Variants in WASHC4 observed in about 807,000 individuals in gnomAD.
WASHC4 encodes WASH complex subunit 4.
In WASHC4, 86 loss-of-function variants were observed where a neutral mutation model predicts 166.6. The ratio of observed to expected loss-of-function variants is 0.52; its 90% confidence interval spans 0.43 to 0.62. WASHC4 has a LOEUF of 0.62. Among genes scored for constraint, WASHC4 ranks in the 20% least tolerant of loss-of-function variants. The pLI is 0.00. For missense variants in WASHC4, 1,262 were observed against 1,382.4 expected (o/e 0.91, Z 1.38); for synonymous variants, 446 against 451.6 (o/e 0.99, Z 0.16).
intron 14 of WASHC4, among the ~76,000 whole-genome samples, chr12:105,136,597 C>T (rs1001293465): frequency 1.3e-5 from 2 of 152,114 alleles, no homozygotes; most frequent in African/African-American, 4.8e-5. Context: ...TTCTGAACTT[C>T]AAGTACCCCT....
intron 24 of WASHC4, chr12:105,148,932 A>T (rs747044873): frequency 9.9e-5 from 98 of 985,118 alleles, no homozygotes; most frequent in Middle Eastern, 5.2e-4. Context: ...CTTTCTTAGG[A>T]TTTTCTGAGT....
At position 105,127,577 on chromosome 12, in the gene WASHC4, G is replaced by T. The variant is rs185967895; in HGVS notation, c.1199+288G>T. On this transcript the variant is annotated intron_variant, in intron 13 of 32. Transcript: ENST00000332180. ...TATTTTTTGTCCAAATGAAGTCTCA[G>T]ATTTTGTTGCAGTAGATATCATTTG... 7.9e-5 allele frequency among the ~76,000 whole-genome samples: 12 copies of T among 152,268 alleles called. No individual in the cohort carries two copies. In the East Asian group the frequency reaches 1.7e-3, roughly 22 times the overall value.
rs1319429489 is a variant in WASHC4 at position 105,168,829 on chromosome 12, A to G, written c.*1898A>G. On this transcript the variant is annotated 3_prime_UTR_variant, in exon 33 of 33. Transcript: ENST00000332180. Reference sequence around the variant, plus strand: ...AGAGCAACAGGGCTTCAGTATATTCACATCTAATAGGTTAATATGTACATT... The same window carrying G: ...AGAGCAACAGGGCTTCAGTATATTCGCATCTAATAGGTTAATATGTACATT... 1 of 152,282 alleles carries G rather than the reference A, an allele frequency of 6.6e-6. No homozygotes were observed. The highest frequency in any genetic ancestry group is 1.5e-5 in the Non-Finnish European group (1 of 67,986). The allele number at this position is 152,282 out of a possible 1,614,324, so 9.4% of individuals were successfully genotyped here.
chr12:105,118,568 A>G, intron 7 of WASHC4, 40 bp downstream of exon 7: 1 of 1,108,540 alleles, frequency 9.0e-7, no homozygotes, highest in Non-Finnish European at 1.4e-6. Flanking sequence ...TATAATAGAG[A>G]TGCAGAAAAT....
chr12:105,129,653 T>C (rs766701822), intron 13 of WASHC4, among the ~76,000 whole-genome samples: 5 of 152,228 alleles, frequency 3.3e-5, no homozygotes, highest in Non-Finnish European at 7.3e-5. Flanking sequence ...GTTTGTCTTC[T>C]CTTTGTTAGT....
intron 26 of WASHC4, among the ~76,000 whole-genome samples, chr12:105,154,411 A>T (rs753222058): frequency 1.6e-4 from 25 of 152,190 alleles, no homozygotes; most frequent in Non-Finnish European, 3.1e-4. Flanking sequence ...GGTGTAAAGA[A>T]TCTGGGAGCA....
chr12:105,166,395 TATA>T (rs1407996318), intron 32 of WASHC4, among the ~76,000 whole-genome samples: 1 of 152,126 alleles, frequency 6.6e-6, no homozygotes, highest in Non-Finnish European at 1.5e-5. Context: ...TATAATTTAT[TATA>T]ATAAGTTATA....
intron 1 of WASHC4, among the ~76,000 whole-genome samples, chr12:105,109,101 A>T (rs1344081884): frequency 2.0e-5 from 3 of 152,174 alleles, no homozygotes; most frequent in Non-Finnish European, 4.4e-5. Flanking sequence ...GCGCCATTGC[A>T]CTCTAGCCTG....
chr12:105,144,452 C>G lies in WASHC4; in HGVS notation c.2176C>G (p.Arg726Gly). The change falls in exon 21 of 33, where the codon CGG becomes GGG. Residue 726 changes from arginine (R) to glycine (G), a missense_variant. Arg to Gly is a moderately radical substitution (Grantham distance 125). Coordinates refer to ENST00000332180, the MANE Select transcript of WASHC4 (RefSeq NM_015275.3). ...IRFFNRFIDI[R>G]AYVTHYLDKT... is the part of the protein sequence containing the mutation. ...GTTTTTCAATCGTTTCATTGACATT[C>G]GGGGTGAGTGTTTTGCTTTCCTTCT... 1.2e-6 allele frequency: 2 copies of G among 1,606,988 alleles called. No individual in the cohort carries two copies. The highest frequency in any genetic ancestry group is 1.7e-6 in the Non-Finnish European group (2 of 1,175,750).
intron 4 of WASHC4, 79 bp from the exon 5 acceptor site, chr12:105,115,105 G>A (rs2135725574): frequency 1.4e-6 from 1 of 726,258 alleles, no homozygotes; most frequent in Non-Finnish European, 2.5e-6. Context: ...TTATTACTAA[G>A]TATACAGATC....
At chr12:105,152,542 G>T (rs957044742) in intron 26 of WASHC4, 91 bp downstream of exon 26, 2 of 807,282 alleles carry the variant, frequency 2.5e-6, no homozygotes, top group Non-Finnish European at 4.3e-6. Flanking sequence ...AGCAGCTCAT[G>T]TGAAAGCCTG....
chr12:105,140,871 CAAAT>C, intron 16 of WASHC4, 24 bp from the exon 17 acceptor site: 2 of 1,608,860 alleles, frequency 1.2e-6, no homozygotes, highest in Non-Finnish European at 1.7e-6. Flanking sequence ...GCCTCAGAAA[CAAAT>C]AGTTTTCCTG....
intron 1 of WASHC4, among the ~76,000 whole-genome samples, 177 bp from the exon 2 acceptor site, chr12:105,110,948 A>G (rs1177898017): frequency 6.6e-6 from 1 of 152,160 alleles, no homozygotes; most frequent in Non-Finnish European, 1.5e-5. Flanking sequence ...TATTTCGTGT[A>G]TAGAGAAGAT....
chr12:105,141,823 TTTG>T (rs1252365473), intron 18 of WASHC4, among the ~76,000 whole-genome samples: 5 of 152,282 alleles, frequency 3.3e-5, no homozygotes, highest in South Asian at 2.1e-4. Flanking sequence ...AACTTACTTT[TTTG>T]TTGTTCTGGA....
chr12:105,150,646 T>C (rs1883678033), intron 25 of WASHC4, among the ~76,000 whole-genome samples: 1 of 152,164 alleles, frequency 6.6e-6, no homozygotes, highest in Non-Finnish European at 1.5e-5. Flanking sequence ...TAGCCGGGCA[T>C]GGTGGCACAT....
intron 15 of WASHC4, among the ~76,000 whole-genome samples, chr12:105,138,272 G>A (rs1401369385): frequency 6.6e-6 from 1 of 151,104 alleles, no homozygotes; most frequent in East Asian, 1.9e-4. Context: ...TTAATGTAGT[G>A]AGAGAGAAAA....
intron 10 of WASHC4, among the ~76,000 whole-genome samples, chr12:105,123,512 A>T (rs190809349): frequency 1.3e-5 from 2 of 152,360 alleles, no homozygotes; most frequent in Admixed American, 1.3e-4. Context: ...ACCAACCGCA[A>T]CATTAGTTTA....
intron 9 of WASHC4, among the ~76,000 whole-genome samples, chr12:105,121,549 C>A (rs1880744150): frequency 6.6e-6 from 1 of 152,156 alleles, no homozygotes; most frequent in Admixed American, 6.5e-5. Context: ...CACTGTGTTG[C>A]CAGGCTGGAG....
intron 2 of WASHC4, among the ~76,000 whole-genome samples, chr12:105,113,905 T>A (rs532477341): frequency 1.3e-5 from 2 of 152,158 alleles, no homozygotes; most frequent in South Asian, 4.1e-4. Flanking sequence ...TTTTTCCCCA[T>A]GATCATAACT....
Sources: gnomAD v4.1 joint callset for allele counts (sites outside exome capture counted in the v4.1 genomes callset) on GRCh38, gnomAD v4.1.1 for gene constraint, MANE v1.5 for transcripts, NCBI Gene and HGNC (gene_info 2026-07-23, HGNC 2026-07-21) for gene names.